MACROD2: variants seen among roughly 807,000 people sequenced by gnomAD.
MACROD2 encodes ADP-ribose glycohydrolase MACROD2.
In MACROD2, 36 loss-of-function variants were observed where a neutral mutation model predicts 70.4. That is an observed-to-expected ratio of 0.51 (90% confidence interval 0.39 to 0.68). MACROD2 has a LOEUF of 0.68. Ranked by LOEUF, MACROD2 falls within the 30% of genes least tolerant of loss-of-function variation. MACROD2 has a pLI of 0.00. For synonymous variants in MACROD2, 172 were observed against 178.8 expected (o/e 0.96, Z 0.30); for missense variants, 496 against 538.4 (o/e 0.92, Z 0.78).
intron 10 of MACROD2, among the ~76,000 whole-genome samples, chr20:15,886,988 G>A (rs1601060826): frequency 6.6e-6 from 1 of 152,016 alleles, no homozygotes; most frequent in African/African-American, 2.4e-5. Flanking sequence ...CCTCATTTTG[G>A]CAGTCACAGT....
chr20:15,056,805 A>C (rs2075489557), intron 5 of MACROD2, among the ~76,000 whole-genome samples: 2 of 152,244 alleles, frequency 1.3e-5, no homozygotes, highest in African/African-American at 4.8e-5. Context: ...TTTTAAGTAT[A>C]TGATTGACAT....
chr20:14,709,017 G>T (rs1034700717), intron 5 of MACROD2, among the ~76,000 whole-genome samples: 1 of 152,072 alleles, frequency 6.6e-6, no homozygotes, highest in African/African-American at 2.4e-5. Flanking sequence ...GGGTTGATGT[G>T]AGCAGTCTTC....
At position 14,112,410 on chromosome 20, in the gene MACROD2, A is replaced by G. The variant is rs573837954; in HGVS notation, c.271+26682A>G. Reference sequence around the variant, plus strand: ...AAAGGATAAATGCTTGAGGGGATGGATACCCCATTTTCCATGATGTGATTA... The same window carrying G: ...AAAGGATAAATGCTTGAGGGGATGGGTACCCCATTTTCCATGATGTGATTA... On this transcript the variant is annotated intron_variant, in intron 3 of 17. Transcript: ENST00000684519. Among the ~76,000 whole-genome samples the G allele has an allele frequency of 1.1e-4, 16 of 152,108 alleles. No individual in the cohort carries two copies. The East Asian group carries it at 2.7e-3, about 26-fold the overall frequency.
intron 12 of MACROD2, among the ~76,000 whole-genome samples, chr20:15,951,103 T>C (rs2065897341): frequency 6.6e-6 from 1 of 152,146 alleles, no homozygotes; most frequent in African/African-American, 2.4e-5. Context: ...AATTACCTTT[T>C]AAAAATGGAG....
At chr20:15,815,488 T>C (rs777882584) in intron 8 of MACROD2, among the ~76,000 whole-genome samples, 10 of 152,126 alleles carry the variant, frequency 6.6e-5, no homozygotes, top group Non-Finnish European at 1.0e-4. Flanking sequence ...CATATGACAC[T>C]GTTAGATGCC....
Position 15,681,764 on chromosome 20 carries a change from T to C in MACROD2, c.646-180981T>C, listed in dbSNP as rs147969136. Among the ~76,000 whole-genome samples, 9 of 152,360 alleles carry C rather than the reference T, an allele frequency of 5.9e-5. No individual in the cohort carries two copies. The East Asian group carries it at 1.4e-3, about 23-fold the overall frequency. On this transcript the variant is annotated intron_variant, in intron 8 of 17. Transcript: ENST00000684519. ...CAGAGTTTCATCGTGACGACTTCTA[T>C]GTAAATTTGAATGTTACATGAGGTG...
At chr20:15,129,241 A>T (rs2076088262) in intron 5 of MACROD2, among the ~76,000 whole-genome samples, 1 of 152,094 alleles carries the variant, frequency 6.6e-6, no homozygotes, top group South Asian at 2.1e-4. Flanking sequence ...ATATGAAGAT[A>T]TACTTTGTAT....
At chr20:14,979,503 TA>T (rs2074777755) in intron 5 of MACROD2, among the ~76,000 whole-genome samples, 1 of 152,168 alleles carries the variant, frequency 6.6e-6, no homozygotes, top group Admixed American at 6.5e-5. Context: ...AGATGAACAA[TA>T]ATGTCCTGTT....
intron 3 of MACROD2, among the ~76,000 whole-genome samples, chr20:14,458,517 T>A (rs1048231284): frequency 1.3e-5 from 2 of 152,128 alleles, no homozygotes; most frequent in Admixed American, 6.5e-5. Context: ...ATGTTTTCTG[T>A]GGCCATCTGT....
At chr20:15,011,898 C>T (rs2075085387) in intron 5 of MACROD2, among the ~76,000 whole-genome samples, 1 of 152,126 alleles carries the variant, frequency 6.6e-6, no homozygotes, top group Admixed American at 6.5e-5. Context: ...CATTGAGCGC[C>T]GTGTGCTCTT....
intron 7 of MACROD2, among the ~76,000 whole-genome samples, chr20:15,497,466 A>G (rs2146486882): frequency 6.6e-6 from 1 of 152,170 alleles, no homozygotes; most frequent in Middle Eastern, 3.4e-3. Flanking sequence ...TAAGTTTTGT[A>G]TTTTTAGTAG....
At chr20:14,039,863 C>T (rs371876262) in intron 2 of MACROD2, among the ~76,000 whole-genome samples, 20 of 151,164 alleles carry the variant, frequency 1.3e-4, no homozygotes, top group Admixed American at 2.6e-4. Flanking sequence ...TTGAAGACTA[C>T]GCATTTACCC....
In MACROD2 at chr20:15,507,615, T is replaced by C. The variant is rs1600510034; in HGVS notation, c.645+7768T>C. Among the ~76,000 whole-genome samples, 6 of 152,012 alleles carry C rather than the reference T, an allele frequency of 3.9e-5. No individual in the cohort carries two copies. The South Asian group carries it at 1.2e-3, about 32-fold the overall frequency. On this transcript the variant is annotated intron_variant, in intron 8 of 17. Coordinates refer to ENST00000684519, the MANE Select transcript of MACROD2 (RefSeq NM_001351661.2). Reference sequence around the variant, plus strand: ...TGTCGGGATTTGTGACAAGCAGTTATTGTTCCCACGGTTAGAATAAAAGCT... The same window carrying C: ...TGTCGGGATTTGTGACAAGCAGTTACTGTTCCCACGGTTAGAATAAAAGCT...
At chr20:14,084,199 T>G (rs550632521) in intron 2 of MACROD2, among the ~76,000 whole-genome samples, 69 of 151,980 alleles carry the variant, frequency 4.5e-4, no homozygotes, top group Middle Eastern at 3.4e-3. Flanking sequence ...TTTTTTTTTT[T>G]GGGGAGGGTG....
At position 15,304,493 on chromosome 20, in the gene MACROD2, G is replaced by A. The variant is rs2077676989; in HGVS notation, c.540+74432G>A. Among the ~76,000 whole-genome samples the A allele has an allele frequency of 5.3e-5, 8 of 152,214 alleles. No homozygotes were observed. In the South Asian group the frequency reaches 1.7e-3, roughly 32 times the overall value. On this transcript the variant is annotated intron_variant, in intron 6 of 17. Coordinates refer to ENST00000684519, the MANE Select transcript of MACROD2 (RefSeq NM_001351661.2). ...ATGGATGGATGTGAGGTATGACAAG[G>A]TTTCTCTTCAAACAGCCTGATCAAC...
intron 5 of MACROD2, among the ~76,000 whole-genome samples, chr20:14,883,231 G>T (rs1056668404): frequency 4.6e-5 from 7 of 152,090 alleles, no homozygotes; most frequent in African/African-American, 1.7e-4. Flanking sequence ...AGCCTGAATG[G>T]GTGATTCTAA....
intron 5 of MACROD2, among the ~76,000 whole-genome samples, chr20:14,915,381 G>T (rs1008998424): frequency 2.0e-5 from 3 of 152,180 alleles, no homozygotes; most frequent in Non-Finnish European, 4.4e-5. Flanking sequence ...GTGGGAAGAA[G>T]TTCAAGGAAC....
chr20:15,948,014 G>A (rs1354263300), intron 12 of MACROD2, among the ~76,000 whole-genome samples: 1 of 152,082 alleles, frequency 6.6e-6, no homozygotes, highest in South Asian at 2.1e-4. Flanking sequence ...GCAGGAAGCA[G>A]TTAGAGCGGT....
intron 5 of MACROD2, among the ~76,000 whole-genome samples, chr20:15,064,209 G>T (rs2075556232): frequency 6.6e-6 from 1 of 152,132 alleles, no homozygotes; most frequent in Non-Finnish European, 1.5e-5. Context: ...CTTCACCAAA[G>T]TAGGAACTGA....
Sources: gnomAD v4.1 joint callset for allele counts (sites outside exome capture counted in the v4.1 genomes callset) on GRCh38, gnomAD v4.1.1 for gene constraint, MANE v1.5 for transcripts, NCBI Gene and HGNC (gene_info 2026-07-23, HGNC 2026-07-21) for gene names.